CPAP: variants seen among roughly 807,000 people sequenced by gnomAD.
CPAP encodes the protein centrosome assembly and centriole elongation protein, also known as centrosomal P4.1-associated protein.
chr13:24,912,070 C>T, the CPAP span: 1 of 1,612,850 alleles, frequency 6.2e-7, no homozygotes, highest in Non-Finnish European at 8.5e-7. Context: ...CTTCTTTCAG[C>T]TTTTTAAATA....
At chr13:24,910,234 T>G in the CPAP span, 1 of 799,644 alleles carries the variant, frequency 1.3e-6, no homozygotes, top group South Asian at 1.5e-5. Context: ...AACAAAACCA[T>G]TGATTGTTTG....
chr13:24,889,241 TTTA>T, the CPAP span: 8 of 1,004,654 alleles, frequency 8.0e-6, no homozygotes, highest in African/African-American at 1.1e-4. Context: ...TAAGAAATGT[TTTA>T]TTAAGTTGGG....
chr13:24,883,153 T>C, the CPAP span: 62 of 1,597,802 alleles, frequency 3.9e-5, no homozygotes, highest in Non-Finnish European at 5.2e-5. Flanking sequence ...CAGTTACTGT[T>C]ACTTCATGAT....
At chr13:24,886,557 A>G in the CPAP span, among the ~76,000 whole-genome samples, 1 of 152,220 alleles carries the variant, frequency 6.6e-6, no homozygotes, top group African/African-American at 2.4e-5. Flanking sequence ...GATAACAGAA[A>G]AAGTACTGGG....
the CPAP span, among the ~76,000 whole-genome samples, chr13:24,911,103 C>T: frequency 7.2e-5 from 11 of 152,140 alleles, no homozygotes; most frequent in Non-Finnish European, 1.5e-4. Flanking sequence ...GGGACACAAT[C>T]TATAATAATT....
chr13:24,900,728 G>A, the CPAP span, among the ~76,000 whole-genome samples: 1 of 152,212 alleles, frequency 6.6e-6, no homozygotes, highest in African/African-American at 2.4e-5. Flanking sequence ...ACAGACGCGG[G>A]CAGCAGAGAG....
At chr13:24,909,639 C>T in the CPAP span, 1 of 718,116 alleles carries the variant, frequency 1.4e-6, no homozygotes, top group South Asian at 1.7e-5. Context: ...GGGAAGATTA[C>T]TTGTGCCCAG....
the CPAP span, among the ~76,000 whole-genome samples, chr13:24,892,178 GATGA>G: frequency 6.6e-6 from 1 of 152,182 alleles, no homozygotes; most frequent in Non-Finnish European, 1.5e-5. Flanking sequence ...TGTTCACAGA[GATGA>G]ATGAAAGACC....
At chr13:24,909,867 AAATT>A in the CPAP span, 915 of 1,614,080 alleles carry the variant, frequency 5.7e-4, 12 homozygotes, top group South Asian at 9.4e-3. Flanking sequence ...CTCAGAAAAT[AAATT>A]AGGAGACGCA....
the CPAP span, among the ~76,000 whole-genome samples, chr13:24,929,412 C>T: frequency 6.6e-6 from 1 of 152,312 alleles, no homozygotes; most frequent in African/African-American, 2.4e-5. Flanking sequence ...TTCATGGTTG[C>T]CAGTTTGTTT....
chr13:24,931,689 T>G, the CPAP span, among the ~76,000 whole-genome samples: 1 of 152,242 alleles, frequency 6.6e-6, no homozygotes, highest in Non-Finnish European at 1.5e-5. Flanking sequence ...TATTTCTAAC[T>G]AGTTACAAAA....
At chr13:24,886,300 G>A in the CPAP span, 4 of 1,289,078 alleles carry the variant, frequency 3.1e-6, no homozygotes, top group South Asian at 2.5e-5. Flanking sequence ...AGAGCTGGAT[G>A]TTACGGGAGA....
the CPAP span, chr13:24,909,769 A>G: frequency 6.2e-7 from 1 of 1,600,582 alleles, no homozygotes; most frequent in Non-Finnish European, 8.5e-7. Flanking sequence ...AGCACAGAAG[A>G]GAGAAACATA....
At chr13:24,907,867 C>A in the CPAP span, 1 of 613,704 alleles carries the variant, frequency 1.6e-6, no homozygotes, top group Non-Finnish European at 2.9e-6. Flanking sequence ...TTGTTGTTGA[C>A]AGTACATAAT....
At chr13:24,883,938 TTCTGTGA>T in the CPAP span, 1 of 1,614,042 alleles carries the variant, frequency 6.2e-7, no homozygotes, top group Non-Finnish European at 8.5e-7. Flanking sequence ...TGAGTGGTTT[TTCTGTGA>T]ACATAATGTT....
At chr13:24,901,721 G>A in the CPAP span, among the ~76,000 whole-genome samples, 19 of 152,216 alleles carry the variant, frequency 1.2e-4, no homozygotes, top group Admixed American at 2.6e-4. Context: ...GCTGGACATC[G>A]TAGCTCATGC....
At chr13:24,905,524 T>C in the CPAP span, 5 of 1,614,060 alleles carry the variant, frequency 3.1e-6, no homozygotes, top group Non-Finnish European at 4.2e-6. Context: ...TCTTCCTTTT[T>C]ATTGTTTTGT....
chr13:24,918,898 G>A, the CPAP span, among the ~76,000 whole-genome samples: 1 of 152,012 alleles, frequency 6.6e-6, no homozygotes, highest in Non-Finnish European at 1.5e-5. Flanking sequence ...AACTCATGTT[G>A]TTCGAGAGTC....
At chr13:24,884,507 C>T in the CPAP span, 61 of 1,601,242 alleles carry the variant, frequency 3.8e-5, no homozygotes, top group East Asian at 1.3e-4. Context: ...TTTCTCCTGA[C>T]GAAAGTATGG....
Sources: gnomAD v4.1 joint callset for allele counts (sites outside exome capture counted in the v4.1 genomes callset) on GRCh38, gnomAD v4.1.1 for gene constraint, MANE v1.5 for transcripts, NCBI Gene and HGNC (gene_info 2026-07-23, HGNC 2026-07-21) for gene names.